Variants in RPTOR observed in about 807,000 individuals in gnomAD.
The protein encoded by RPTOR is regulatory-associated protein of mTOR.
A neutral mutation model predicts 169.9 loss-of-function variants in RPTOR; 21 were observed. That is an observed-to-expected ratio of 0.12 (90% CI 0.09 to 0.18). RPTOR has a LOEUF of 0.18. RPTOR is among the 10% of genes least tolerant of loss of function. The pLI is 1.00. For missense variants in RPTOR, 1,133 were observed against 1,855.9 expected (o/e 0.61, Z 7.16); for synonymous variants, 732 against 753.2 (o/e 0.97, Z 0.46).
chr17:80,625,471 T>C (rs1243436191), intron 1 of RPTOR, among the ~76,000 whole-genome samples: 2 of 152,140 alleles, frequency 1.3e-5, no homozygotes, highest in Non-Finnish European at 2.9e-5. Flanking sequence ...GCCACGTCCC[T>C]CTCACCACCT....
chr17:80,940,549 G>C lies in RPTOR; in HGVS notation c.2973G>C (p.Arg991=), dbSNP rs748334967. ...AGATCCGCAAGGAGCGGGAGTGGCG[G>C]TTCCTGCGAAACAGCCGTGTCAGGA... ...ESQIRKEREW[R]FLRNSRVRRQ... The change falls in exon 25 of 34, where the codon CGG becomes CGC. Residue 991 remains arginine, a synonymous_variant. Coordinates refer to ENST00000306801, the MANE Select transcript of RPTOR (RefSeq NM_020761.3). 5 of 1,613,502 alleles carry C rather than the reference G, an allele frequency of 3.1e-6. No homozygotes were observed. The highest frequency in any genetic ancestry group is 4.2e-6 in the Non-Finnish European group (5 of 1,179,818).
At chr17:80,824,487 A>C (rs2067417002) in intron 9 of RPTOR, among the ~76,000 whole-genome samples, 1 of 152,354 alleles carries the variant, frequency 6.6e-6, no homozygotes, top group South Asian at 2.1e-4. Flanking sequence ...AGCATTTTTG[A>C]AAGAGTATAT....
intron 1 of RPTOR, among the ~76,000 whole-genome samples, chr17:80,592,629 G>T (rs940898789): frequency 2.0e-5 from 3 of 152,222 alleles, no homozygotes; most frequent in Admixed American, 6.5e-5. Context: ...TTATCTCTAT[G>T]ATTGTTTAGT....
intron 13 of RPTOR, among the ~76,000 whole-genome samples, chr17:80,871,990 A>G (rs557581434): frequency 3.0e-4 from 45 of 152,254 alleles, no homozygotes; most frequent in African/African-American, 1.1e-3. Flanking sequence ...AGGAACGGCA[A>G]AAATGTCACC....
intron 6 of RPTOR, among the ~76,000 whole-genome samples, chr17:80,762,900 T>A (rs548281523): frequency 6.6e-6 from 1 of 152,146 alleles, no homozygotes; most frequent in South Asian, 2.1e-4. Flanking sequence ...ATAGAAAGTG[T>A]GAGATACGAT....
chr17:80,676,929 G>A (rs757116702), intron 3 of RPTOR, among the ~76,000 whole-genome samples: 58 of 152,162 alleles, frequency 3.8e-4, no homozygotes, highest in Non-Finnish European at 7.5e-4. Flanking sequence ...ACCCGTGTGG[G>A]GGAGAGCTGT....
intron 6 of RPTOR, among the ~76,000 whole-genome samples, chr17:80,761,587 G>C (rs1270644886): frequency 1.3e-5 from 2 of 152,198 alleles, no homozygotes; most frequent in Non-Finnish European, 2.9e-5. Context: ...CATTTGCTGT[G>C]ACATTTGCTT....
chr17:80,589,464 G>T (rs544763957), intron 1 of RPTOR, among the ~76,000 whole-genome samples: 3 of 152,162 alleles, frequency 2.0e-5, no homozygotes, highest in East Asian at 1.9e-4. Flanking sequence ...TTTTAAAATC[G>T]GTGGGTCAAG....
intron 14 of RPTOR, among the ~76,000 whole-genome samples, chr17:80,880,783 A>T (rs986779461): frequency 6.6e-6 from 1 of 152,146 alleles, no homozygotes; most frequent in African/African-American, 2.4e-5. Flanking sequence ...TCTTTGCAAA[A>T]TAGTCAAATC....
At chr17:80,867,768 C>T (rs9913517) in intron 13 of RPTOR, among the ~76,000 whole-genome samples, 31 of 151,882 alleles carry the variant, frequency 2.0e-4, no homozygotes, top group African/African-American at 7.2e-4. Context: ...ATTTACAATA[C>T]CACTAAAAAA....
rs910566577 is a variant in RPTOR at position 80,856,656 on chromosome 17, G to A, written c.1398+1109G>A. Among the ~76,000 whole-genome samples, 7 of 152,300 alleles carry A rather than the reference G, an allele frequency of 4.6e-5. No homozygotes were observed. The East Asian group carries it at 5.8e-4, about 13-fold the overall frequency. The stretch of plus-strand genomic sequence containing the variant: ...CATCGGAGGAAGGCTGGCGTGACTC[G>A]GTCACTTGGTGTGTGCGTGGTGGTG... On this transcript the variant is annotated intron_variant, in intron 12 of 33. Coordinates refer to ENST00000306801, the MANE Select transcript of RPTOR (RefSeq NM_020761.3).
intron 1 of RPTOR, among the ~76,000 whole-genome samples, chr17:80,576,022 T>TA (rs2064960338): frequency 1.3e-5 from 2 of 152,234 alleles, no homozygotes; most frequent in Admixed American, 1.3e-4. Flanking sequence ...TCAGGATAGT[T>TA]ACACCAGTTT....
intron 3 of RPTOR, among the ~76,000 whole-genome samples, chr17:80,665,825 G>A (rs1371184001): frequency 1.3e-5 from 2 of 152,106 alleles, no homozygotes; most frequent in Non-Finnish European, 2.9e-5. Context: ...TTACAGGCGT[G>A]AGCCACCGCG....
At chr17:80,859,936 C>G (rs565457323) in intron 13 of RPTOR, among the ~76,000 whole-genome samples, 2 of 152,216 alleles carry the variant, frequency 1.3e-5, no homozygotes, top group Admixed American at 1.3e-4. Context: ...TGGGCCCCTG[C>G]GCCGGGTCTG....
intron 3 of RPTOR, among the ~76,000 whole-genome samples, chr17:80,648,838 G>A (rs957501708): frequency 5.9e-5 from 9 of 152,058 alleles, no homozygotes; most frequent in African/African-American, 1.7e-4. Context: ...GGAGGTAATC[G>A]AATCATAGGG....
rs1262334087 is a variant in RPTOR at position 80,922,721 on chromosome 17, T to C, written c.2521-3T>C. ...CTTCACACCCCCATTCCTTTGCCCCTAGGCCACCGTGAACGCCCGGCCGCA... is the reference window on the plus strand; with the variant it reads ...CTTCACACCCCCATTCCTTTGCCCCCAGGCCACCGTGAACGCCCGGCCGCA... On this transcript the variant is annotated splice_region_variant and splice_polypyrimidine_tract_variant and intron_variant, in intron 21 of 33. Transcript: ENST00000306801. 2 of 1,583,138 alleles carry C rather than the reference T, an allele frequency of 1.3e-6. No homozygotes were observed. The highest frequency in any genetic ancestry group is 3.5e-5 in the Admixed American group (2 of 57,342).
At chr17:80,700,748 GTGGTGA>G (rs2066090403) in intron 3 of RPTOR, among the ~76,000 whole-genome samples, 13 of 141,748 alleles carry the variant, frequency 9.2e-5, no homozygotes, top group East Asian at 2.1e-4. Context: ...GGTGGTGGTG[GTGGTGA>G]TGATGGTGAT....
chr17:80,725,434 G>T (rs1008056592), intron 4 of RPTOR, among the ~76,000 whole-genome samples: 10 of 152,242 alleles, frequency 6.6e-5, no homozygotes, highest in Admixed American at 6.5e-4. Flanking sequence ...ATTATTCTCT[G>T]TACTTTTAGT....
At chr17:80,566,895 G>T (rs1254368225) in intron 1 of RPTOR, among the ~76,000 whole-genome samples, 1 of 147,360 alleles carries the variant, frequency 6.8e-6, no homozygotes, top group Non-Finnish European at 1.5e-5. Flanking sequence ...ACTTCTGCAT[G>T]ATTATTTTAG....
Sources: allele counts gnomAD v4.1 joint callset (sites outside exome capture counted in the v4.1 genomes callset), GRCh38; gene constraint gnomAD v4.1.1; transcripts MANE v1.5; gene names NCBI Gene and HGNC (gene_info 2026-07-23, HGNC 2026-07-21).